Variants in TMIGD2 observed in about 807,000 individuals in gnomAD.
TMIGD2 encodes transmembrane and immunoglobulin domain-containing protein 2.
A neutral mutation model predicts 22.6 loss-of-function variants in TMIGD2; 18 were observed. That is an observed-to-expected ratio of 0.80 (90% CI 0.55 to 1.18). The LOEUF is 1.18. TMIGD2 is among the 50% of genes most tolerant of loss of function. TMIGD2 has a pLI of 0.00. For missense variants in TMIGD2, 361 were observed against 378.2 expected (o/e 0.95, Z 0.38); for synonymous variants, 184 against 154.1 (o/e 1.19, Z -1.44).
At chr19:4,294,422 C>T (rs1971429972) in intron 4 of TMIGD2, 157 bp downstream of exon 4, 2 of 706,464 alleles carry the variant, frequency 2.8e-6, no homozygotes, top group East Asian at 2.7e-5. Flanking sequence ...GTCTCTATTT[C>T]TGAAAAACAT....
At position 4,298,155 on chromosome 19, in the gene TMIGD2, C is replaced by G. The variant is rs375107534; in HGVS notation, c.237G>C (p.Gly79=). 9 of 1,613,370 alleles carry G rather than the reference C, an allele frequency of 5.6e-6. No individual in the cohort carries two copies. In the Admixed American group the frequency reaches 1.5e-4, roughly 27 times the overall value. ...AGAGCCGTCCCTGGGGCCCGCAGAC[C>G]CCCAGGCTGAGGCTGCCGTTGGTGA... Residue 79 remains glycine (G), a synonymous_variant, in exon 2 of 5, where the codon GGG becomes GGC. Transcript: ENST00000301272.
exon 5 of TMIGD2, chr19:4,292,806 C>T (rs1413455297): frequency 2.5e-6 from 4 of 1,613,496 alleles, no homozygotes; most frequent in South Asian, 2.2e-5. Context: ...CCCTCTGGTC[C>T]TTCCCCTCTC....
chr19:4,295,744 A>G (rs1971453943), intron 2 of TMIGD2, among the ~76,000 whole-genome samples: 1 of 151,896 alleles, frequency 6.6e-6, no homozygotes, highest in South Asian at 2.1e-4. Flanking sequence ...CATTTTATAG[A>G]CGGGGAAACC....
intron 4 of TMIGD2, among the ~76,000 whole-genome samples, chr19:4,293,538 G>A (rs1971415528): frequency 6.6e-6 from 1 of 151,248 alleles, no homozygotes; most frequent in Non-Finnish European, 1.5e-5. Context: ...GGGATTACAT[G>A]CATGAGCCAC....
At chr19:4,301,543 G>A (rs1401532000) in intron 1 of TMIGD2, among the ~76,000 whole-genome samples, 5 of 152,264 alleles carry the variant, frequency 3.3e-5, no homozygotes, top group African/African-American at 7.2e-5. Context: ...AGTGGCGCGC[G>A]CCTGCAGTCC....
chr19:4,292,511 A>G, exon 5 of TMIGD2: 1 of 1,329,294 alleles, frequency 7.5e-7, no homozygotes, highest in East Asian at 2.3e-5. Flanking sequence ...TGCTGGGATT[A>G]CAGGCGTGAG....
At chr19:4,302,085 G>T (rs968619091) in intron 1 of TMIGD2, among the ~76,000 whole-genome samples, 1 of 152,168 alleles carries the variant, frequency 6.6e-6, no homozygotes, top group Non-Finnish European at 1.5e-5. Flanking sequence ...AGGGAGCAAA[G>T]GCACTGCGGA....
chr19:4,298,912 G>C (rs1416286657), intron 1 of TMIGD2, among the ~76,000 whole-genome samples: 1 of 152,106 alleles, frequency 6.6e-6, no homozygotes, highest in Non-Finnish European at 1.5e-5. Context: ...CCTAGTATAT[G>C]CCAGGCCCTA....
In TMIGD2 at chr19:4,292,460, C is replaced by T. The variant is rs139426380; in HGVS notation, c.*139G>A. ...AGGTTCAAGCCAGGCTGGTCTCAAA[C>T]CCCTGACCTCAAGTGTTCCACCCGC... is the stretch of plus-strand genomic sequence containing the variant. On this transcript the variant is annotated 3_prime_UTR_variant, in exon 5 of 5. Coordinates refer to ENST00000301272, the Ensembl canonical transcript of TMIGD2. 15 of 905,108 alleles carry T rather than the reference C, an allele frequency of 1.7e-5. No homozygotes were observed. In the African/African-American group the frequency reaches 2.2e-4, roughly 13 times the overall value. The allele number at this position is 905,108 out of a possible 1,614,324, so 56.1% of individuals were successfully genotyped here.
At chr19:4,293,373 GC>G (rs1289293936) in intron 4 of TMIGD2, among the ~76,000 whole-genome samples, 1 of 145,916 alleles carries the variant, frequency 6.9e-6, no homozygotes, top group Non-Finnish European at 1.5e-5. Context: ...TGATTCTCCT[GC>G]CTCAGTCTCC....
At chr19:4,295,684 C>A (rs1479254208) in intron 2 of TMIGD2, among the ~76,000 whole-genome samples, 1 of 152,046 alleles carries the variant, frequency 6.6e-6, no homozygotes, top group Non-Finnish European at 1.5e-5. Flanking sequence ...CTCTCCAGAT[C>A]CTGTTTGGTT....
intron 1 of TMIGD2, among the ~76,000 whole-genome samples, chr19:4,300,912 T>C (rs900297266): frequency 3.3e-5 from 5 of 152,156 alleles, no homozygotes; most frequent in African/African-American, 1.2e-4. Flanking sequence ...TATGTTTTAA[T>C]GTAAGTGTGA....
chr19:4,296,398 C>G (rs1331301432), intron 2 of TMIGD2, among the ~76,000 whole-genome samples: 1 of 152,176 alleles, frequency 6.6e-6, no homozygotes. Context: ...TACAGGAACC[C>G]CAGCTAAAGG....
At chr19:4,300,039 T>C (rs1342479246) in intron 1 of TMIGD2, among the ~76,000 whole-genome samples, 1 of 151,446 alleles carries the variant, frequency 6.6e-6, no homozygotes, top group East Asian at 1.9e-4. Flanking sequence ...GGCGGGTGGA[T>C]CACCTGAGGT....
At chr19:4,292,631 G>T in exon 5 of TMIGD2, 3 of 1,612,904 alleles carry the variant, frequency 1.9e-6, no homozygotes, top group Non-Finnish European at 2.5e-6. Flanking sequence ...AACCCTTTTG[G>T]CCTCGGCTGC....
intron 4 of TMIGD2, among the ~76,000 whole-genome samples, chr19:4,294,020 C>T (rs928910063): frequency 1.3e-5 from 2 of 152,052 alleles, no homozygotes; most frequent in Non-Finnish European, 2.9e-5. Flanking sequence ...CCTCAGCCTC[C>T]CAAAGTGCTG....
At position 4,299,582 on chromosome 19, in the gene TMIGD2, A is replaced by C. The variant is rs537381555; in HGVS notation, c.47-1237T>G. On this transcript the variant is annotated intron_variant, in intron 1 of 4. Transcript: ENST00000301272. ...CAGTGGCACCATCAAAGTTCATTGC[A>C]GCCTCAGCCGCTTGGGCTCATGGGC... Among the ~76,000 whole-genome samples the C allele has an allele frequency of 6.3e-4, 95 of 151,174 alleles. 2 individuals are homozygous for C. The South Asian group carries it at 0.019, about 31-fold the overall frequency.
intron 1 of TMIGD2, among the ~76,000 whole-genome samples, chr19:4,299,014 C>T (rs1971500398): frequency 6.6e-6 from 1 of 152,138 alleles, no homozygotes; most frequent in African/African-American, 2.4e-5. Flanking sequence ...AAGAGAGACA[C>T]AGGAAGTCGT....
chr19:4,294,746 C>G, intron 3 of TMIGD2, 29 bp downstream of exon 3: 3 of 1,578,732 alleles, frequency 1.9e-6, no homozygotes, highest in Non-Finnish European at 2.6e-6. Flanking sequence ...GTGGAAGACG[C>G]TGGGGGAGGA....
Sources: gnomAD v4.1 joint callset for allele counts (sites outside exome capture counted in the v4.1 genomes callset) on GRCh38, gnomAD v4.1.1 for gene constraint, MANE v1.5 for transcripts, NCBI Gene and HGNC (gene_info 2026-07-23, HGNC 2026-07-21) for gene names.